BRF1: variants seen among roughly 807,000 people sequenced by gnomAD.
BRF1 encodes the protein BRF1 general transcription factor IIIB subunit, also known as transcription factor IIIB 90 kDa subunit.
BRF1 carries 59 observed loss-of-function variants against 81.7 expected under a neutral mutation model. That is an observed-to-expected ratio of 0.72 (90% CI 0.59 to 0.90). The LOEUF (loss-of-function observed/expected upper bound fraction) is 0.90. Among genes scored for constraint, BRF1 ranks in the 40% least tolerant of loss-of-function variants. The probability of loss-of-function intolerance (pLI) is 0.00; values close to 1 mark genes in which losing one functional copy is unlikely to be tolerated. For synonymous variants in BRF1, 491 were observed against 395.6 expected (o/e 1.24, Z -2.86); for missense variants, 1,050 against 936.3 (o/e 1.12, Z -1.58).
chr14:105,275,762 T>A (rs1017960457), intron 2 of BRF1, among the ~76,000 whole-genome samples: 1 of 152,230 alleles, frequency 6.6e-6, no homozygotes, highest in African/African-American at 2.4e-5. Context: ...TATGTTGAAA[T>A]CCTATCCCCT....
At position 105,309,526 on chromosome 14, in the gene BRF1, T is replaced by C. The variant is rs936112650; in HGVS notation, c.-162+5796A>G. On this transcript the variant is annotated intron_variant, in intron 1 of 17. Transcript: ENST00000327359. This position sits in a 1 kb window ranked among gnomAD's most constrained non-coding sequence, Gnocchi z 4.0. ...TCACACACCTGGACCTGTGTCCCTG[T>C]TGACATTTCCAGTGTCACCTGCAGG... Among the ~76,000 whole-genome samples the C allele has an allele frequency of 6.6e-6, 1 of 152,232 alleles. No individual in the cohort carries two copies. Among genetic ancestry groups the C allele is most frequent in the Non-Finnish European group, 1.5e-5 (1 of 68,042 alleles).
intron 1 of BRF1, among the ~76,000 whole-genome samples, chr14:105,298,125 G>A (rs1169788868): frequency 6.6e-6 from 1 of 152,250 alleles, no homozygotes; most frequent in Non-Finnish European, 1.5e-5. Flanking sequence ...TGCTTAACCA[G>A]TAATTATAAT....
intron 1 of BRF1, among the ~76,000 whole-genome samples, chr14:105,290,153 C>T (rs902059640): frequency 1.3e-5 from 2 of 152,158 alleles, no homozygotes; most frequent in Non-Finnish European, 2.9e-5. Context: ...GGTGCAGTGG[C>T]TCACGCCTAT....
Position 105,290,130 on chromosome 14 carries a change from A to T in BRF1, c.185-3754T>A, listed in dbSNP as rs190795006. On this transcript the variant is annotated intron_variant, in intron 1 of 17. Transcript: ENST00000547530. ...AGAAAAAGGACAATGATCAAAGTATAAAAAGCCAGCTGGGTGCAGTGGCTC... is the reference window on the plus strand; with the variant it reads ...AGAAAAAGGACAATGATCAAAGTATTAAAAGCCAGCTGGGTGCAGTGGCTC... Among the ~76,000 whole-genome samples, 137 of 152,324 alleles carry T rather than the reference A, an allele frequency of 9.0e-4. No homozygotes were observed. In the Middle Eastern group the frequency reaches 0.01, roughly 11 times the overall value.
At chr14:105,286,038 A>C (rs777802569) in intron 2 of BRF1, among the ~76,000 whole-genome samples, 1 of 152,252 alleles carries the variant, frequency 6.6e-6, no homozygotes, top group Non-Finnish European at 1.5e-5. Context: ...CATCTCACTG[A>C]GGCCATCAAG....
At chr14:105,264,804 G>C (rs2056328311) in intron 3 of BRF1, among the ~76,000 whole-genome samples, 1 of 150,322 alleles carries the variant, frequency 6.7e-6, no homozygotes, top group Non-Finnish European at 1.5e-5. Context: ...CTGCACCACT[G>C]CACTCCAGCC....
intron 1 of BRF1, among the ~76,000 whole-genome samples, chr14:105,300,207 G>T (rs2057942867): frequency 6.6e-6 from 1 of 152,260 alleles, no homozygotes; most frequent in African/African-American, 2.4e-5. Context: ...TCCCTGTGCT[G>T]GCTGCCCTGG....
At chr14:105,216,166 C>G (rs954185253) in intron 15 of BRF1, among the ~76,000 whole-genome samples, 4 of 152,206 alleles carry the variant, frequency 2.6e-5, no homozygotes, top group African/African-American at 9.7e-5. Flanking sequence ...TGTATACACA[C>G]ACAGAGAGAC....
intron 16 of BRF1, 165 bp from the exon 17 acceptor site, chr14:105,211,458 T>G (rs1426343184): frequency 2.3e-5 from 14 of 620,212 alleles, no homozygotes; most frequent in Non-Finnish European, 3.3e-5. Flanking sequence ...CCTTCTGGCC[T>G]CCTGGGGGCT....
chr14:105,241,449 A>T, intron 5 of BRF1, 35 bp from the exon 6 acceptor site: 3 of 1,606,650 alleles, frequency 1.9e-6, no homozygotes, highest in Non-Finnish European at 2.5e-6. Flanking sequence ...GCCCACCTCC[A>T]TGTGCCATGG....
Position 105,228,919 on chromosome 14 carries a change from A to G in BRF1, c.695-6T>C. ...TCTGGCTGCAACCAGGAGCGCTGGA[A>G]GGCAACGAGACGGGCCTCGTCAACC... is the stretch of plus-strand genomic sequence containing the variant. On this transcript the variant is annotated splice_polypyrimidine_tract_variant and splice_region_variant and intron_variant, in intron 6 of 17. Transcript: ENST00000547530. The G allele has an allele frequency of 6.2e-7, 1 of 1,613,324 alleles. No individual in the cohort carries two copies. The highest frequency in any genetic ancestry group is 8.5e-7 in the Non-Finnish European group (1 of 1,179,944).
intron 6 of BRF1, among the ~76,000 whole-genome samples, chr14:105,241,063 C>T (rs1007504760): frequency 2.6e-5 from 4 of 152,232 alleles, no homozygotes; most frequent in Non-Finnish European, 5.9e-5. Context: ...TATGCCAGGA[C>T]ACGCAGAGGC....
At chr14:105,301,436 G>C (rs931437514), upstream of BRF1, among the ~76,000 whole-genome samples, 1 of 151,646 alleles carries the variant, frequency 6.6e-6, no homozygotes, top group African/African-American at 2.4e-5. Context: ...TGAGGCGAGG[G>C]GGCCGAGCGT....
At chr14:105,313,104 C>T (rs587706520) in intron 1 of BRF1, among the ~76,000 whole-genome samples, 1 of 152,316 alleles carries the variant, frequency 6.6e-6, no homozygotes, top group South Asian at 2.1e-4. Context: ...ACGGCTTAGT[C>T]ACCCCGCATC....
chr14:105,293,536 G>A (rs1045896643), intron 1 of BRF1, among the ~76,000 whole-genome samples: 3 of 152,244 alleles, frequency 2.0e-5, no homozygotes, highest in Admixed American at 2.0e-4. Flanking sequence ...ATCACCTGCT[G>A]GCAGAGGGAA....
intron 5 of BRF1, 42 bp from the exon 6 acceptor site, chr14:105,241,456 A>T: frequency 6.2e-7 from 1 of 1,605,410 alleles, no homozygotes; most frequent in Non-Finnish European, 8.5e-7. Flanking sequence ...TCCATGTGCC[A>T]TGGCACGTGC....
At chr14:105,267,816 T>C (rs2140379024) in intron 3 of BRF1, among the ~76,000 whole-genome samples, 1 of 152,318 alleles carries the variant, frequency 6.6e-6, no homozygotes, top group East Asian at 1.9e-4. Flanking sequence ...GTGTGGGCTC[T>C]GAAAGCCCAT....
At chr14:105,213,880 G>A (rs1021488965) in intron 15 of BRF1, among the ~76,000 whole-genome samples, 1 of 152,194 alleles carries the variant, frequency 6.6e-6, no homozygotes, top group African/African-American at 2.4e-5. Flanking sequence ...CTGTCTCAAG[G>A]GCTTCCCCCT....
At chr14:105,244,463 G>A (rs1022309222) in intron 5 of BRF1, among the ~76,000 whole-genome samples, 3 of 152,032 alleles carry the variant, frequency 2.0e-5, no homozygotes, top group African/African-American at 7.2e-5. Flanking sequence ...AAAAAGACAA[G>A]CAAAAAGTGT....
Sources: gnomAD v4.1 joint callset for allele counts (sites outside exome capture counted in the v4.1 genomes callset) on GRCh38, gnomAD v4.1.1 for gene constraint, Gnocchi (gnomAD v3.1) non-coding constraint, MANE v1.5 for transcripts, NCBI Gene and HGNC (gene_info 2026-07-23, HGNC 2026-07-21) for gene names.